SEC16A: variants seen among roughly 807,000 people sequenced by gnomAD.
The protein encoded by SEC16A is SEC16 homolog A, endoplasmic reticulum export factor.
Under a neutral mutation model 221.9 loss-of-function variants are expected in SEC16A, and 110 were observed. The ratio of observed to expected loss-of-function variants is 0.50; its 90% CI spans 0.42 to 0.58. The LOEUF (loss-of-function observed/expected upper bound fraction) is 0.58, where lower values mean the gene tolerates loss of function less well. SEC16A is among the 20% of genes least tolerant of loss of function. SEC16A has a pLI of 0.00. For missense variants in SEC16A, 3,165 were observed against 3,097.8 expected (o/e 1.02, Z -0.52); for synonymous variants, 1,393 against 1,257.7 (o/e 1.11, Z -2.28).
chr9:136,443,323 G>A lies in SEC16A; in HGVS notation c.7005+500C>T, dbSNP rs376124448. Among the ~76,000 whole-genome samples, 50 of 152,346 alleles carry A rather than the reference G, an allele frequency of 3.3e-4. No homozygotes were observed. The East Asian group carries it at 4.0e-3, about 12-fold the overall frequency. The stretch of plus-strand genomic sequence containing the variant: ...CCACACAAAGGGAGAAATGGCAGCC[G>A]GGGAGGGCCCAGCCTGGCTCCTCAC... On this transcript the variant is annotated intron_variant, in intron 31 of 31. Transcript: ENST00000684901.
Position 136,474,973 on chromosome 9 carries a change from C to G in SEC16A, c.2643G>C (p.Glu881Asp), listed in dbSNP as rs754844410. The part of the protein sequence containing the change: ...SSWALGGDSG[E>D]NTSLSGIPTS... ...TTGGAATCCCAGACAAAGAAGTGTTCTCCCCAGAATCACCACCGAGAGCCC... is the reference window on the plus strand; with the variant it reads ...TTGGAATCCCAGACAAAGAAGTGTTGTCCCCAGAATCACCACCGAGAGCCC... The change falls in exon 3 of 32, where the codon GAG becomes GAC. Residue 881 changes from glutamate (E) to aspartate (D), a missense_variant. Transcript: ENST00000684901. The G allele has an allele frequency of 5.6e-6, 9 of 1,598,334 alleles. No homozygotes were observed. The highest frequency in any genetic ancestry group is 7.7e-6 in the Non-Finnish European group (9 of 1,171,818).
At position 136,459,676 on chromosome 9, in the gene SEC16A, G is replaced by T. The variant is rs983689452; in HGVS notation, c.5191+81C>A. The T allele has an allele frequency of 1.4e-5, 19 of 1,399,796 alleles. No homozygotes were observed. In the African/African-American group the frequency reaches 2.1e-4, roughly 16 times the overall value. 86.7% of individuals were successfully genotyped at this position (1,399,796 alleles called of 1,614,324 possible). A position where few individuals can be genotyped will look rare whatever the true frequency, so the allele number is the denominator to read the frequency against. On this transcript the variant is annotated intron_variant, in intron 15 of 31. Coordinates refer to ENST00000684901, the MANE Select transcript of SEC16A (RefSeq NM_014866.2). This position sits in a 1 kb window ranked among gnomAD's most constrained non-coding sequence, Gnocchi z 6.1. ...CGGACCGAGAAGGCCGGGTTCTGGTGATTTCTGCCAACGCCACAGACAACC... is the reference window on the plus strand; with the variant it reads ...CGGACCGAGAAGGCCGGGTTCTGGTTATTTCTGCCAACGCCACAGACAACC...
chr9:136,442,613 A>G (rs7855912), intron 31 of SEC16A, among the ~76,000 whole-genome samples: 1 of 152,232 alleles, frequency 6.6e-6, no homozygotes, highest in African/African-American at 2.4e-5. Flanking sequence ...AAACCACAGG[A>G]AACATTCTAG....
intron 3 of SEC16A, 32 bp downstream of exon 3, chr9:136,474,017 A>G: frequency 1.9e-6 from 3 of 1,560,940 alleles, no homozygotes; most frequent in Non-Finnish European, 1.7e-6. Flanking sequence ...CACAGACAGA[A>G]AAGTGGGTTA....
Position 136,474,647 on chromosome 9 carries a change from G to A in SEC16A, c.2969C>T (p.Thr990Ile), listed in dbSNP as rs757043076. Residue 990 changes from threonine (T) to isoleucine (I), a missense_variant, in exon 3 of 32, where the codon ACT becomes ATT. By Grantham distance (89) the Thr-to-Ile change is moderately conservative. This residue lies in a region of SEC16A where 2,030 missense variants were observed against 1,923.1 expected (regional missense o/e 1.06). Coordinates refer to ENST00000684901, the MANE Select transcript of SEC16A (RefSeq NM_014866.2). ...TAAGGTAAAGTCTAGGGCTCCGTAA[G>A]TGTCTTCCTGATGACTGGAATGGTT... ...KANHSSHQED[T>I]YGALDFTLSR... 9 of 1,613,450 alleles carry A rather than the reference G, an allele frequency of 5.6e-6. No individual in the cohort carries two copies. Among genetic ancestry groups the A allele is most frequent in the African/African-American group, 1.3e-5 (1 of 74,960 alleles).
intron 31 of SEC16A, 58 bp from the exon 32 acceptor site, chr9:136,441,881 C>T (rs1367767321): frequency 3.1e-5 from 45 of 1,470,808 alleles, no homozygotes; most frequent in East Asian, 2.0e-4. Context: ...GAGCAGTGCT[C>T]GGCTGCAGCG....
chr9:136,454,481 C>A (rs1838323975), intron 20 of SEC16A, among the ~76,000 whole-genome samples, 154 bp from the exon 21 acceptor site: 1 of 152,256 alleles, frequency 6.6e-6, no homozygotes, highest in Non-Finnish European at 1.5e-5. Flanking sequence ...CCTGAAGCCA[C>A]CACCCCACCG....
Position 136,477,817 on chromosome 9 carries a change from C to A in SEC16A, c.-69-133G>T, listed in dbSNP as rs1228618633. On this transcript the variant is annotated intron_variant, in intron 2 of 31. Coordinates refer to ENST00000684901, the MANE Select transcript of SEC16A (RefSeq NM_014866.2). ...CTTAAATCCCAAGGACTCTCTCTCCCCTACACCCCACCCCAGCAGAGAACA... is the reference window on the plus strand; with the variant it reads ...CTTAAATCCCAAGGACTCTCTCTCCACTACACCCCACCCCAGCAGAGAACA... 5.7e-6 allele frequency: 5 copies of A among 883,018 alleles called. No homozygotes were observed. In the East Asian group the frequency reaches 1.2e-4, roughly 20 times the overall value. The allele number at this position is 883,018 out of a possible 1,614,324, so 54.7% of individuals were successfully genotyped here. A position where few individuals can be genotyped will look rare whatever the true frequency, so the allele number is the denominator to read the frequency against.
chr9:136,459,506 C>A lies in SEC16A; in HGVS notation c.5241G>T (p.Gln1747His). The A allele has an allele frequency of 6.2e-7, 1 of 1,607,596 alleles. No individual in the cohort carries two copies. The highest frequency in any genetic ancestry group is 1.7e-5 in the Admixed American group (1 of 59,074). The change falls in exon 16 of 32, where the codon CAG (glutamine) becomes CAT (histidine). Residue 1747 changes from glutamine (Q) to histidine (H), a missense_variant. This residue lies in a region of SEC16A where 1,088 missense variants were observed against 1,089.6 expected (regional missense o/e 1.00). Transcript: ENST00000684901. The surrounding 1 kb of genome is among the most constrained non-coding windows in gnomAD (Gnocchi z 6.1). ...TCTTCGTGTAAACACCAAATCCCGC[C>A]TGGGCCATGAGGTAGCAGAAGTGGG... is the stretch of plus-strand genomic sequence containing the variant. ...DAAHFCYLMA[Q>H]AGFGVYTKKT...
chr9:136,475,227 T>C lies in SEC16A; in HGVS notation c.2389A>G (p.Met797Val). 7 of 1,613,518 alleles carry C rather than the reference T, an allele frequency of 4.3e-6. No homozygotes were observed. The highest frequency in any genetic ancestry group is 5.9e-6 in the Non-Finnish European group (7 of 1,179,788). The change falls in exon 3 of 32, where the codon ATG becomes GTG. Residue 797 changes from methionine (M) to valine (V), a missense_variant. Physicochemically the swap from Met to Val is conservative, Grantham distance 21. Transcript: ENST00000684901. This position sits in a 1 kb window ranked among gnomAD's most constrained non-coding sequence, Gnocchi z 5.0. ...ASENLENPPK[M>V]GEEEALQSQA... The stretch of plus-strand genomic sequence containing the variant: ...GACTGAAGGGCCTCCTCCTCTCCCA[T>C]TTTGGGAGGATTCTCAAGGTTCTCA...
chr9:136,453,664 G>A (rs1007824143), intron 21 of SEC16A, among the ~76,000 whole-genome samples, 154 bp from the exon 22 acceptor site: 1 of 151,576 alleles, frequency 6.6e-6, no homozygotes, highest in African/African-American at 2.4e-5. Context: ...TCCCACATGT[G>A]TGCACACTCT....
Position 136,447,540 on chromosome 9 carries a change from G to C in SEC16A, c.6559+29C>G. Reference sequence around the variant, plus strand: ...CTCTCTGGGACAGTTAATCGTTCAAGCAAGCTCCCACTCCAAGGCCACCCT... The same window carrying C: ...CTCTCTGGGACAGTTAATCGTTCAACCAAGCTCCCACTCCAAGGCCACCCT... On this transcript the variant is annotated intron_variant, in intron 26 of 31. Coordinates refer to ENST00000684901, the MANE Select transcript of SEC16A (RefSeq NM_014866.2). The surrounding 1 kb of genome is among the most constrained non-coding windows in gnomAD (Gnocchi z 5.5). The C allele has an allele frequency of 1.3e-6, 2 of 1,581,306 alleles. No individual in the cohort carries two copies. The highest frequency in any genetic ancestry group is 1.7e-6 in the Non-Finnish European group (2 of 1,151,632).
Position 136,461,283 on chromosome 9 carries a change from G to C in SEC16A, c.4894-9C>G. On this transcript the variant is annotated splice_polypyrimidine_tract_variant and intron_variant, in intron 12 of 31. Coordinates refer to ENST00000684901, the MANE Select transcript of SEC16A (RefSeq NM_014866.2). ...GCAGACTCCAAAGCATCCTGCAAAA[G>C]GCATTTCAGGGACCTTGGTGGGTTA... The C allele has an allele frequency of 6.3e-7, 1 of 1,585,796 alleles. No individual in the cohort carries two copies. The highest frequency in any genetic ancestry group is 8.6e-7 in the Non-Finnish European group (1 of 1,164,052).
chr9:136,455,609 A>G lies in SEC16A; in HGVS notation c.5849T>C (p.Leu1950Pro), dbSNP rs776546726. 1 of 1,565,338 alleles carries G rather than the reference A, an allele frequency of 6.4e-7. No individual in the cohort carries two copies. Among genetic ancestry groups the G allele is most frequent in the South Asian group, 1.2e-5 (1 of 84,934 alleles). Residue 1950 changes from leucine to proline, a missense_variant, in exon 20 of 32, where the codon CTG (leucine) becomes CCG (proline). By Grantham distance (98) the Leu-to-Pro change is moderately conservative. Coordinates refer to ENST00000684901, the MANE Select transcript of SEC16A (RefSeq NM_014866.2). The part of the protein sequence containing the change: ...PEHSSPSVRL[L>P]PSAPQTLPDG... Reference sequence around the variant, plus strand: ...CGCGCACCTGGGCTCACCTGAGGGCAGCAGCCGCACGCTCGGGCTCGAGTG... The same window carrying G: ...CGCGCACCTGGGCTCACCTGAGGGCGGCAGCCGCACGCTCGGGCTCGAGTG...
chr9:136,475,554 T>G lies in SEC16A; in HGVS notation c.2062A>C (p.Met688Leu). The G allele has an allele frequency of 6.2e-7, 1 of 1,613,442 alleles. No individual in the cohort carries two copies. Among genetic ancestry groups the G allele is most frequent in the African/African-American group, 1.3e-5 (1 of 75,018 alleles). ...GGCGGTGCCCCTGCGTGCGGAAGCA[T>G]GTGCACAGCTTCCGTGGTGGAGTTA... The part of the protein sequence containing the change: ...PLNSTTEAVH[M>L]LPHAGAPPLD... Residue 688 changes from methionine (M) to leucine (L), a missense_variant, in exon 3 of 32, where the codon ATG becomes CTG. By Grantham distance (15) the Met-to-Leu change is conservative. This residue lies in a region of SEC16A where 2,030 missense variants were observed against 1,923.1 expected (regional missense o/e 1.06). Transcript: ENST00000684901. The surrounding 1 kb of genome is among the most constrained non-coding windows in gnomAD (Gnocchi z 5.0).
chr9:136,456,142 C>A lies in SEC16A; in HGVS notation c.5575G>T (p.Asp1859Tyr). 1.2e-6 allele frequency: 2 copies of A among 1,612,158 alleles called. No homozygotes were observed. The highest frequency in any genetic ancestry group is 1.7e-6 in the Non-Finnish European group (2 of 1,179,714). Residue 1859 changes from aspartate (D) to tyrosine (Y), a missense_variant, in exon 19 of 32, where the codon GAT becomes TAT. This residue lies in a region of SEC16A where 1,088 missense variants were observed against 1,089.6 expected (regional missense o/e 1.00). Transcript: ENST00000684901. ...VQMASQLRLF[D>Y]PQLKEKPEEE... ...TCTGGCTTCTCTTTCAGCTGGGGAT[C>A]GAAGAGTCGTAACTGGGAAGCCATC...
intron 18 of SEC16A, 47 bp downstream of exon 18, chr9:136,457,397 C>A: frequency 6.4e-7 from 1 of 1,553,904 alleles, no homozygotes; most frequent in Non-Finnish European, 8.7e-7. Flanking sequence ...AGCCCTCCTT[C>A]CCTGCAGTCA....
rs58421223 is a variant in SEC16A at position 136,460,599 on chromosome 9, TAA to T, written c.4992-478_4992-477del. On this transcript the variant is annotated intron_variant, in intron 13 of 31. Transcript: ENST00000684901. The stretch of plus-strand genomic sequence containing the variant: ...TTATTTTTCTTTCTTATCTCAATAT[TAA>T]AAAAAAAAAAAAAGCTGTAAAAGAT... 1.4e-3 allele frequency among the ~76,000 whole-genome samples: 193 copies of T among 139,380 alleles called. 1 individual carries two copies. The highest frequency in any genetic ancestry group is 5.1e-3 in the South Asian group (22 of 4,342). The allele number at this position is 139,380 out of a possible 152,430, so 91.4% of individuals were successfully genotyped here. A position where few individuals can be genotyped will look rare whatever the true frequency, so the allele number is the denominator to read the frequency against.
At position 136,459,507 on chromosome 9, in the gene SEC16A, T is replaced by C. The variant is rs1197266771; in HGVS notation, c.5240A>G (p.Gln1747Arg). Residue 1747 changes from glutamine to arginine, a missense_variant, in exon 16 of 32, where the codon CAG (glutamine) becomes CGG (arginine). Coordinates refer to ENST00000684901, the MANE Select transcript of SEC16A (RefSeq NM_014866.2). This position sits in a 1 kb window ranked among gnomAD's most constrained non-coding sequence, Gnocchi z 6.1. ...DAAHFCYLMA[Q>R]AGFGVYTKKT... ...CTTCGTGTAAACACCAAATCCCGCC[T>C]GGGCCATGAGGTAGCAGAAGTGGGC... The C allele has an allele frequency of 2.5e-6, 4 of 1,607,616 alleles. No homozygotes were observed. Among genetic ancestry groups the C allele is most frequent in the East Asian group, 2.2e-5 (1 of 44,708 alleles).
Sources: allele counts gnomAD v4.1 joint callset (sites outside exome capture counted in the v4.1 genomes callset), GRCh38; gene constraint gnomAD v4.1.1; regional missense constraint gnomAD v4.1.1; non-coding constraint Gnocchi (gnomAD v3.1); transcripts MANE v1.5; gene names NCBI Gene and HGNC (gene_info 2026-07-23, HGNC 2026-07-21).